The following ANKRD42 variants were observed in gnomAD, a reference collection of about 807,000 sequenced individuals.
ANKRD42 encodes the protein ankyrin repeat domain 42, also known as ankyrin repeat domain-containing protein 42.
ANKRD42 carries 43 observed loss-of-function variants against 51.5 expected under a neutral mutation model. That is an observed-to-expected ratio of 0.83 (90% CI 0.65 to 1.08). ANKRD42 has a LOEUF of 1.08. Ranked by LOEUF, ANKRD42 falls within the 50% of genes least tolerant of loss-of-function variation. The pLI, the probability that ANKRD42 is intolerant of heterozygous loss-of-function variation, is 0.00. For synonymous variants in ANKRD42, 203 were observed against 213.0 expected (o/e 0.95, Z 0.41); for missense variants, 608 against 629.3 (o/e 0.97, Z 0.36).
chr11:83,208,361 GTGTT>G (rs761946443), intron 3 of ANKRD42, among the ~76,000 whole-genome samples: 4 of 149,944 alleles, frequency 2.7e-5, no homozygotes, highest in Admixed American at 6.6e-5. Context: ...ATACGTGTGT[GTGTT>G]TGTGTGTGTG....
chr11:83,253,728 G>A (rs1330288146), downstream of ANKRD42, among the ~76,000 whole-genome samples: 2 of 152,088 alleles, frequency 1.3e-5, no homozygotes, highest in Non-Finnish European at 2.9e-5. Context: ...ATAAAGAAAC[G>A]AGTAATCTTG....
chr11:83,207,757 G>C (rs1306491036), intron 3 of ANKRD42, among the ~76,000 whole-genome samples: 2 of 152,188 alleles, frequency 1.3e-5, no homozygotes, highest in African/African-American at 4.8e-5. Context: ...TTTGAACCTA[G>C]ACTTGTCCTA....
chr11:83,210,762 G>A (rs971117620), intron 4 of ANKRD42, among the ~76,000 whole-genome samples: 2 of 152,108 alleles, frequency 1.3e-5, no homozygotes, highest in Non-Finnish European at 2.9e-5. Context: ...CTATGTGTTT[G>A]TTTTGAAACT....
chr11:83,211,309 T>C lies in ANKRD42; in HGVS notation c.465T>C (p.Thr155=), dbSNP rs758781268. ...GTTACCTCTAGGATCCCAGTGTGAC[T>C]GATAAGAGAGAATGGAGACCTGTGC... ...MLRSGVDPSV[T]DKREWRPVHY... Residue 155 remains threonine (T), a synonymous_variant, in exon 5 of 11, where the codon ACT becomes ACC. Transcript: ENST00000533342. 5 of 1,614,078 alleles carry C rather than the reference T, an allele frequency of 3.1e-6. No individual in the cohort carries two copies. The African/African-American group carries it at 6.7e-5, about 22-fold the overall frequency.
intron 3 of ANKRD42, among the ~76,000 whole-genome samples, chr11:83,206,547 G>A (rs1285158492): frequency 2.0e-5 from 3 of 152,162 alleles, no homozygotes; most frequent in Non-Finnish European, 2.9e-5. Flanking sequence ...GTCATGAGGG[G>A]TTTGCCCTCA....
chr11:83,198,585 T>C lies in ANKRD42; in HGVS notation c.165T>C (p.Leu55=), dbSNP rs1283967486. 4 of 1,612,906 alleles carry C rather than the reference T, an allele frequency of 2.5e-6. No homozygotes were observed. The highest frequency in any genetic ancestry group is 2.5e-6 in the Non-Finnish European group (3 of 1,179,314). Residue 55 remains leucine, a synonymous_variant, in exon 2 of 11, where the codon CTT becomes CTC. Coordinates refer to ENST00000533342, the MANE Select transcript of ANKRD42 (RefSeq NM_001300975.2). The part of the protein sequence containing the change: ...IVVRGASINE[L]DVLHKFTPLH... ...TACGTGGAGCCAGCATTAATGAACT[T>C]GATGTTCTCCATAAGTTTACCCCTT...
chr11:83,259,767 CA>C (rs557361122), downstream of ANKRD42: 296 of 152,350 alleles, frequency 1.9e-3, no homozygotes, highest in African/African-American at 6.8e-3. Flanking sequence ...TTGGCTCAAG[CA>C]ATCCTGCTGC....
downstream of ANKRD42, among the ~76,000 whole-genome samples, chr11:83,253,101 G>A (rs1361815424): frequency 6.6e-6 from 1 of 152,154 alleles, no homozygotes; most frequent in Admixed American, 6.5e-5. Context: ...CAAAGGTCTG[G>A]AACAAGGTTG....
At chr11:83,217,832 C>T (rs1862589406) in intron 5 of ANKRD42, among the ~76,000 whole-genome samples, 1 of 152,226 alleles carries the variant, frequency 6.6e-6, no homozygotes, top group Non-Finnish European at 1.5e-5. Flanking sequence ...AATTGGCCTG[C>T]TCCTCTTTTG....
intron 2 of ANKRD42, among the ~76,000 whole-genome samples, chr11:83,199,749 A>G (rs1861797171): frequency 6.6e-6 from 1 of 152,146 alleles, no homozygotes; most frequent in Non-Finnish European, 1.5e-5. Context: ...CCTACCACAC[A>G]CACATGACTT....
intron 1 of ANKRD42, among the ~76,000 whole-genome samples, chr11:83,195,454 C>T (rs1861607560): frequency 6.6e-6 from 1 of 152,290 alleles, no homozygotes; most frequent in East Asian, 1.9e-4. Context: ...CAGAGACACA[C>T]GTAACACTGA....
intron 3 of ANKRD42, chr11:83,209,343 T>C: frequency 8.4e-7 from 1 of 1,195,634 alleles, no homozygotes; most frequent in East Asian, 2.5e-5. Flanking sequence ...TGCGTGCTGC[T>C]GGGAGTTGCT....
chr11:83,210,951 T>C (rs1049241689), intron 4 of ANKRD42, among the ~76,000 whole-genome samples: 1 of 152,228 alleles, frequency 6.6e-6, no homozygotes, highest in Non-Finnish European at 1.5e-5. Flanking sequence ...TGAAAACTTA[T>C]TAAATATTTT....
At chr11:83,238,065 A>C (rs1863274490) in intron 8 of ANKRD42, among the ~76,000 whole-genome samples, 1 of 152,160 alleles carries the variant, frequency 6.6e-6, no homozygotes, top group Non-Finnish European at 1.5e-5. Context: ...TTTCCTTCTT[A>C]CAGCTGAGTA....
At chr11:83,238,799 C>T (rs1354922682) in intron 8 of ANKRD42, among the ~76,000 whole-genome samples, 2 of 151,228 alleles carry the variant, frequency 1.3e-5, no homozygotes, top group Non-Finnish European at 2.9e-5. Flanking sequence ...CATTGCACTC[C>T]AGTCTGGGCA....
intron 6 of ANKRD42, among the ~76,000 whole-genome samples, chr11:83,225,580 AAAAGATTAACAT>A (rs1265259238): frequency 1.3e-5 from 2 of 151,722 alleles, no homozygotes; most frequent in Non-Finnish European, 2.9e-5. Context: ...AAAAAAAAGA[AAAAGATTAACAT>A]AATGAGCAGT....
chr11:83,204,739 A>G (rs975221400), intron 2 of ANKRD42, among the ~76,000 whole-genome samples: 1 of 152,236 alleles, frequency 6.6e-6, no homozygotes, highest in Non-Finnish European at 1.5e-5. Flanking sequence ...AAACTTACAG[A>G]GAAAATAGAG....
At chr11:83,220,451 C>T (rs1862684559) in intron 5 of ANKRD42, among the ~76,000 whole-genome samples, 1 of 152,038 alleles carries the variant, frequency 6.6e-6, no homozygotes, top group Non-Finnish European at 1.5e-5. Context: ...CTGGCAGGCT[C>T]GCCAAAATGT....
chr11:83,209,617 AC>A, intron 3 of ANKRD42: 1 of 855,590 alleles, frequency 1.2e-6, no homozygotes, highest in Non-Finnish European at 2.0e-6. Context: ...GGTGCCCACT[AC>A]CCAAGAAGCC....
Sources: allele counts gnomAD v4.1 joint callset (sites outside exome capture counted in the v4.1 genomes callset), GRCh38; gene constraint gnomAD v4.1.1; transcripts MANE v1.5; gene names NCBI Gene and HGNC (gene_info 2026-07-23, HGNC 2026-07-21).